ELAPOR2: variants seen among roughly 807,000 people sequenced by gnomAD.
ELAPOR2 encodes the protein endosome/lysosome-associated apoptosis and autophagy regulator family member 2.
A neutral mutation model predicts 120.7 loss-of-function variants in ELAPOR2; 89 were observed. The observed-to-expected ratio is 0.74, with a 90% CI of 0.62 to 0.88. ELAPOR2 has a LOEUF of 0.88. Ranked by LOEUF, ELAPOR2 falls within the 40% of genes least tolerant of loss-of-function variation. The pLI, the probability that ELAPOR2 is intolerant of heterozygous loss-of-function variation, is 0.00. For missense variants in ELAPOR2, 1,134 were observed against 1,251.6 expected (o/e 0.91, Z 1.42); for synonymous variants, 444 against 444.9 (o/e 1.00, Z 0.03).
intron 1 of ELAPOR2, among the ~76,000 whole-genome samples, chr7:87,001,658 G>C (rs1349333900): frequency 6.6e-6 from 1 of 152,066 alleles, no homozygotes; most frequent in Non-Finnish European, 1.5e-5. Flanking sequence ...TGGAGCCACA[G>C]AATACAAGGG....
chr7:86,887,654 G>A (rs74394895), intron 21 of ELAPOR2, among the ~76,000 whole-genome samples: 3,972 of 152,120 alleles, frequency 0.026, 179 homozygotes, highest in African/African-American at 0.088. Flanking sequence ...GGTATTCAGC[G>A]GACCTTCTAC....
chr7:87,011,687 A>G, intron 1 of ELAPOR2, among the ~76,000 whole-genome samples: 1 of 152,310 alleles, frequency 6.6e-6, no homozygotes, highest in African/African-American at 2.4e-5. Context: ...CTATAATGAG[A>G]AATGTGTTGG....
intron 1 of ELAPOR2, among the ~76,000 whole-genome samples, chr7:86,985,026 A>G (rs1482312586): frequency 6.6e-6 from 1 of 152,224 alleles, no homozygotes; most frequent in East Asian, 1.9e-4. Flanking sequence ...CCACAGAAAT[A>G]CAAACTATAA....
Position 87,039,543 on chromosome 7 carries a change from G to C in ELAPOR2, c.189+19782C>G, listed in dbSNP as rs182234350. On this transcript the variant is annotated intron_variant, in intron 1 of 21. Transcript: ENST00000450689. The stretch of plus-strand genomic sequence containing the variant: ...GCAAAATGAATTCAACAACACATTA[G>C]AAGGATCATTCATCATGACCAAGTG... 3.3e-5 allele frequency among the ~76,000 whole-genome samples: 5 copies of C among 152,238 alleles called. No individual in the cohort carries two copies. In the East Asian group the frequency reaches 9.7e-4, roughly 29 times the overall value.
At chr7:86,979,033 T>C (rs1461452465) in intron 1 of ELAPOR2, among the ~76,000 whole-genome samples, 2 of 152,244 alleles carry the variant, frequency 1.3e-5, no homozygotes, top group African/African-American at 2.4e-5. Context: ...AGCCCATGCC[T>C]ATGCAAATTT....
chr7:86,943,304 A>G (rs1473344607), intron 4 of ELAPOR2, among the ~76,000 whole-genome samples: 1 of 151,648 alleles, frequency 6.6e-6, no homozygotes, highest in Non-Finnish European at 1.5e-5. Flanking sequence ...CATCATTTAA[A>G]AAAAAAAATA....
chr7:86,969,653 A>G (rs1562949190), intron 1 of ELAPOR2, among the ~76,000 whole-genome samples: 1 of 152,160 alleles, frequency 6.6e-6, no homozygotes, highest in Admixed American at 6.6e-5. Flanking sequence ...AAGAAAGCAT[A>G]AAGAATAAGG....
intron 6 of ELAPOR2, 62 bp downstream of exon 6, chr7:86,939,944 TAATA>T (rs1790733064): frequency 2.9e-6 from 3 of 1,050,634 alleles, no homozygotes; most frequent in East Asian, 5.2e-5. Context: ...ACCAAAACTT[TAATA>T]AATATTTTAA....
rs550425066 is a variant in ELAPOR2, at chr7:86,973,391, C to T, written c.190-8367G>A. Among the ~76,000 whole-genome samples, 6 of 152,174 alleles carry T rather than the reference C, an allele frequency of 3.9e-5. No homozygotes were observed. The South Asian group carries it at 1.0e-3, about 26-fold the overall frequency. ...GCATGTAAGTGACTTTTTCTCTGCCCGGAAGGCTCTTTCTGCCCACATCTT... is the reference window on the plus strand; with the variant it reads ...GCATGTAAGTGACTTTTTCTCTGCCTGGAAGGCTCTTTCTGCCCACATCTT... On this transcript the variant is annotated intron_variant, in intron 1 of 21. Coordinates refer to ENST00000450689, the MANE Select transcript of ELAPOR2 (RefSeq NM_001142749.3).
chr7:87,018,373 G>GA (rs1447023991), intron 1 of ELAPOR2, among the ~76,000 whole-genome samples: 5 of 151,952 alleles, frequency 3.3e-5, no homozygotes, highest in African/African-American at 7.3e-5. Context: ...TTTAATGAGA[G>GA]AAAAAATGCT....
intron 8 of ELAPOR2, among the ~76,000 whole-genome samples, chr7:86,932,089 A>G (rs973710358): frequency 5.3e-5 from 8 of 151,854 alleles, no homozygotes; most frequent in African/African-American, 1.9e-4. Context: ...TGGGCTCATG[A>G]TTCAAGCAAG....
At position 86,877,434 on chromosome 7, in the gene ELAPOR2, G is replaced by C. The variant is rs1799210463; in HGVS notation, c.*3037C>G. 1 of 152,178 alleles carries C rather than the reference G, an allele frequency of 6.6e-6. No individual in the cohort carries two copies. Among genetic ancestry groups the C allele is most frequent in the Middle Eastern group, 3.4e-3 (1 of 294 alleles). 9.4% of individuals were successfully genotyped at this position (152,178 alleles called of 1,614,324 possible). A position where few individuals can be genotyped will look rare whatever the true frequency, so the allele number is the denominator to read the frequency against. On this transcript the variant is annotated 3_prime_UTR_variant, in exon 22 of 22. Coordinates refer to ENST00000450689, the MANE Select transcript of ELAPOR2 (RefSeq NM_001142749.3). ...GATTACTATAAATAGATATGAGGGA[G>C]GTTTAGTTTCTCTGAAGATCAACTC... is the stretch of plus-strand genomic sequence containing the variant.
intron 1 of ELAPOR2, among the ~76,000 whole-genome samples, chr7:87,010,088 G>T (rs1048468170): frequency 1.3e-5 from 2 of 152,174 alleles, no homozygotes; most frequent in African/African-American, 4.8e-5. Flanking sequence ...TGTGGCTATT[G>T]TCAAACTTTA....
intron 8 of ELAPOR2, among the ~76,000 whole-genome samples, chr7:86,931,788 G>A (rs562136734): frequency 6.6e-6 from 1 of 151,906 alleles, no homozygotes; most frequent in South Asian, 2.1e-4. Context: ...CACTATGTAA[G>A]TATCAAGAAG....
chr7:87,038,721 G>T (rs1183248080), intron 1 of ELAPOR2, among the ~76,000 whole-genome samples: 1 of 151,818 alleles, frequency 6.6e-6, no homozygotes, highest in Admixed American at 6.6e-5. Flanking sequence ...GAAGAAAATT[G>T]AAAAATTCCT....
At chr7:86,983,756 T>G (rs1475316643) in intron 1 of ELAPOR2, among the ~76,000 whole-genome samples, 3 of 152,132 alleles carry the variant, frequency 2.0e-5, no homozygotes, top group Non-Finnish European at 4.4e-5. Context: ...AGACCATCGA[T>G]GCTAGGAAGA....
intron 1 of ELAPOR2, among the ~76,000 whole-genome samples, chr7:86,974,452 G>A (rs1489487523): frequency 2.0e-5 from 3 of 151,934 alleles, no homozygotes; most frequent in Non-Finnish European, 4.4e-5. Context: ...ATAAATTAGG[G>A]TACACACATA....
intron 18 of ELAPOR2, among the ~76,000 whole-genome samples, chr7:86,900,959 C>T (rs555593358): frequency 5.9e-5 from 9 of 152,286 alleles, no homozygotes; most frequent in Non-Finnish European, 1.3e-4. Flanking sequence ...GATTACTTGT[C>T]CTATCATCAT....
rs1788167631 is a variant in ELAPOR2 at position 86,891,760 on chromosome 7, C to T, written c.2994G>A (p.Gln998=). ...AAGATTTGAGTTTTCCTAGTAGTGA[C>T]TGTTTATTGGAATATACAACTTCCT... The part of the protein sequence containing the change: ...NEEEVVYSNK[Q]SLLGKLKSLA... The change falls in exon 21 of 22, where the codon CAG becomes CAA. Residue 998 remains glutamine, a synonymous_variant. Transcript: ENST00000450689. 2 of 1,611,468 alleles carry T rather than the reference C, an allele frequency of 1.2e-6. No homozygotes were observed. The highest frequency in any genetic ancestry group is 2.2e-5 in the South Asian group (2 of 90,748).
Sources: allele counts gnomAD v4.1 joint callset (sites outside exome capture counted in the v4.1 genomes callset), GRCh38; gene constraint gnomAD v4.1.1; transcripts MANE v1.5; gene names NCBI Gene and HGNC (gene_info 2026-07-23, HGNC 2026-07-21).